The following STK33 variants were observed in gnomAD, a reference collection of about 807,000 sequenced individuals.
STK33 encodes serine/threonine-protein kinase 33.
STK33 carries 52 observed loss-of-function variants against 58.0 expected under a neutral mutation model. That is an observed-to-expected ratio of 0.90 (90% CI 0.72 to 1.13). The LOEUF (loss-of-function observed/expected upper bound fraction) is 1.13. STK33 is among the 50% of genes most tolerant of loss of function. The probability of loss-of-function intolerance (pLI) is 0.00; values close to 1 mark genes in which losing one functional copy is unlikely to be tolerated. For missense variants in STK33, 630 were observed against 604.2 expected (o/e 1.04, Z -0.45); for synonymous variants, 215 against 200.1 (o/e 1.07, Z -0.63).
In STK33 at chr11:8,402,339, A is replaced by G. The variant is rs1938193430; in HGVS notation, c.1345-9629T>C. Among the ~76,000 whole-genome samples, 4 of 152,134 alleles carry G rather than the reference A, an allele frequency of 2.6e-5. No individual in the cohort carries two copies. The South Asian group carries it at 8.3e-4, about 32-fold the overall frequency. ...AGGGACATGGATGAAGCTGGAAACC[A>G]TCATTCTCAGCAAACTATCACAAGG... On this transcript the variant is annotated intron_variant, in intron 15 of 15. Coordinates refer to ENST00000687296, the MANE Select transcript of STK33 (RefSeq NM_001352389.2).
intron 1 of STK33, among the ~76,000 whole-genome samples, chr11:8,489,257 C>CAAAAAAAAAAAAAAGA (rs1256934616): frequency 1.6e-5 from 1 of 64,342 alleles, no homozygotes; most frequent in Non-Finnish European, 2.9e-5. Context: ...AAGCTATCTC[C>CAAAAAAAAAAAAAAGA]AAAAAAAAAA....
At chr11:8,492,063 C>T (rs1340951485) in intron 1 of STK33, among the ~76,000 whole-genome samples, 1 of 152,146 alleles carries the variant, frequency 6.6e-6, no homozygotes, top group Admixed American at 6.5e-5. Flanking sequence ...CAGCTAACAT[C>T]ATAATGACAG....
the STK33 span, among the ~76,000 whole-genome samples, chr11:8,365,037 G>A: frequency 6.6e-6 from 1 of 150,900 alleles, no homozygotes; most frequent in Non-Finnish European, 1.5e-5. Flanking sequence ...GCTGAGATGG[G>A]AGGAAGGGCC....
At chr11:8,439,193 A>C (rs1944415841) in intron 12 of STK33, among the ~76,000 whole-genome samples, 1 of 152,216 alleles carries the variant, frequency 6.6e-6, no homozygotes, top group African/African-American at 2.4e-5. Context: ...AATTCAATTT[A>C]ACAAACATAT....
intron 1 of STK33, among the ~76,000 whole-genome samples, chr11:8,562,036 T>C (rs1957147937): frequency 6.6e-6 from 1 of 152,210 alleles, no homozygotes; most frequent in African/African-American, 2.4e-5. Flanking sequence ...AGAGAGGGAT[T>C]GCCTTGCTTT....
At chr11:8,398,221 G>T (rs536734018) in intron 15 of STK33, among the ~76,000 whole-genome samples, 6 of 152,300 alleles carry the variant, frequency 3.9e-5, no homozygotes, top group Non-Finnish European at 2.9e-5. Flanking sequence ...GAAAGGTCGG[G>T]TTACCCACAA....
chr11:8,494,622 G>C (rs1950902097), intron 1 of STK33, among the ~76,000 whole-genome samples: 1 of 152,088 alleles, frequency 6.6e-6, no homozygotes, highest in African/African-American at 2.4e-5. Flanking sequence ...AACCAAAAAA[G>C]AGCCCACATT....
chr11:8,466,394 A>G (rs182412235), intron 6 of STK33: 1 of 152,056 alleles, frequency 6.6e-6, no homozygotes, highest in Admixed American at 6.5e-5. Flanking sequence ...GAAATTGGCC[A>G]AAACAAAAAG....
chr11:8,382,080 G>A, the STK33 span, among the ~76,000 whole-genome samples: 44 of 151,898 alleles, frequency 2.9e-4, no homozygotes, highest in Non-Finnish European at 5.1e-4. Context: ...CACATCCTAC[G>A]GCTTATGTAC....
chr11:8,419,649 G>C (rs1286062680), intron 14 of STK33, among the ~76,000 whole-genome samples: 3 of 152,178 alleles, frequency 2.0e-5, no homozygotes, highest in African/African-American at 7.2e-5. Context: ...AGGCATAGCA[G>C]TGAATCTGTA....
chr11:8,391,612 C>A (rs1365131519), downstream of STK33, among the ~76,000 whole-genome samples: 1 of 152,130 alleles, frequency 6.6e-6, no homozygotes, highest in African/African-American at 2.4e-5. Context: ...ATTGCAAATT[C>A]TTTCTTTAGA....
intron 14 of STK33, among the ~76,000 whole-genome samples, chr11:8,426,939 C>A (rs112116489): frequency 7.1e-4 from 108 of 152,274 alleles, no homozygotes; most frequent in African/African-American, 2.5e-3. Context: ...GCCCTTGCCC[C>A]CTTCCCAGTG....
chr11:8,498,976 C>A (rs911555220), intron 1 of STK33, among the ~76,000 whole-genome samples: 12 of 152,118 alleles, frequency 7.9e-5, no homozygotes, highest in African/African-American at 2.4e-4. Flanking sequence ...AACCATAAAA[C>A]CCCTAGAAGA....
At chr11:8,434,993 G>GT (rs1380008592) in intron 14 of STK33, among the ~76,000 whole-genome samples, 1 of 152,182 alleles carries the variant, frequency 6.6e-6, no homozygotes, top group Non-Finnish European at 1.5e-5. Flanking sequence ...ACGAAGATCA[G>GT]TAAGACACAA....
intron 15 of STK33, among the ~76,000 whole-genome samples, chr11:8,401,065 T>C (rs1482353187): frequency 6.6e-6 from 1 of 152,114 alleles, no homozygotes; most frequent in African/African-American, 2.4e-5. Context: ...ATACATTCAA[T>C]GCCATACCCA....
chr11:8,422,429 T>A (rs1206241753), intron 14 of STK33, among the ~76,000 whole-genome samples: 1 of 152,164 alleles, frequency 6.6e-6, no homozygotes. Flanking sequence ...TGTCACAATG[T>A]CGTGGTATAG....
chr11:8,561,005 C>T (rs1450673094), intron 1 of STK33, among the ~76,000 whole-genome samples: 1 of 152,182 alleles, frequency 6.6e-6, no homozygotes, highest in Non-Finnish European at 1.5e-5. Context: ...TTCTCCCTTC[C>T]CCTCTTTATA....
chr11:8,385,867 C>T, the STK33 span, among the ~76,000 whole-genome samples: 4 of 152,108 alleles, frequency 2.6e-5, no homozygotes, highest in Admixed American at 6.5e-5. Context: ...CTCCGCCTCC[C>T]GGGTTCACGC....
chr11:8,446,346 GT>G (rs762771952), intron 11 of STK33, among the ~76,000 whole-genome samples: 7 of 151,948 alleles, frequency 4.6e-5, no homozygotes, highest in Non-Finnish European at 1.0e-4. Context: ...TTCATTGATT[GT>G]TTGAAGGGTT....
Sources: allele counts gnomAD v4.1 joint callset (sites outside exome capture counted in the v4.1 genomes callset), GRCh38; gene constraint gnomAD v4.1.1; transcripts MANE v1.5; gene names NCBI Gene and HGNC (gene_info 2026-07-23, HGNC 2026-07-21).